NCOA1: variants seen among roughly 807,000 people sequenced by gnomAD.
NCOA1 encodes the protein Hin-2 protein.
NCOA1 carries 35 observed loss-of-function variants against 150.9 expected under a neutral mutation model. The ratio of observed to expected loss-of-function variants is 0.23; its 90% CI spans 0.18 to 0.31. The LOEUF is 0.31. Among genes scored for constraint, NCOA1 ranks in the 10% least tolerant of loss-of-function variants. The pLI, the probability that NCOA1 is intolerant of heterozygous loss-of-function variation, is 1.00. For synonymous variants in NCOA1, 590 were observed against 630.0 expected, an observed-to-expected ratio of 0.94 and a Z score of 0.95; for missense variants, 1,491 against 1,749.3, an observed-to-expected ratio of 0.85 and a Z score of 2.63.
intron 17 of NCOA1, among the ~76,000 whole-genome samples, chr2:24,734,599 A>G (rs770530879): frequency 6.6e-6 from 1 of 152,158 alleles, no homozygotes; most frequent in Non-Finnish European, 1.5e-5. Flanking sequence ...GTTTGAGACT[A>G]GCCTGGGCAA....
At chr2:24,576,274 C>G (rs1666983307) in intron 2 of NCOA1, among the ~76,000 whole-genome samples, 1 of 147,984 alleles carries the variant, frequency 6.8e-6, no homozygotes, top group Non-Finnish European at 1.5e-5. Context: ...TGTGGGAACT[C>G]CTTTGCATGT....
At chr2:24,629,807 A>AATAT (rs1558854690) in intron 3 of NCOA1, among the ~76,000 whole-genome samples, 3 of 107,380 alleles carry the variant, frequency 2.8e-5, no homozygotes, top group African/African-American at 1.2e-4. Context: ...TGTTTTAAGT[A>AATAT]ACATACATAC....
intron 2 of NCOA1, among the ~76,000 whole-genome samples, chr2:24,573,518 G>T (rs1666823355): frequency 1.3e-5 from 2 of 152,218 alleles, no homozygotes; most frequent in East Asian, 1.9e-4. Context: ...AGTAAAAATT[G>T]TAAGCCTGAA....
At chr2:24,634,858 G>C (rs968892320) in intron 3 of NCOA1, among the ~76,000 whole-genome samples, 2 of 152,032 alleles carry the variant, frequency 1.3e-5, no homozygotes, top group East Asian at 3.9e-4. Context: ...TGGGACTACA[G>C]GCACACACCA....
At chr2:24,700,882 C>G (rs1398596328) in intron 11 of NCOA1, among the ~76,000 whole-genome samples, 4 of 152,122 alleles carry the variant, frequency 2.6e-5, no homozygotes, top group African/African-American at 4.8e-5. Context: ...AACTATGAAC[C>G]TAGGTTCCAC....
intron 14 of NCOA1, among the ~76,000 whole-genome samples, chr2:24,725,620 C>T (rs1674575403): frequency 6.6e-6 from 1 of 151,822 alleles, no homozygotes; most frequent in African/African-American, 2.4e-5. Context: ...TAACAATGAT[C>T]AATTAATATA....
At chr2:24,655,365 T>G (rs1237977931) in intron 4 of NCOA1, among the ~76,000 whole-genome samples, 1 of 152,198 alleles carries the variant, frequency 6.6e-6, no homozygotes, top group Non-Finnish European at 1.5e-5. Flanking sequence ...ACAGATGATA[T>G]ATATAACATA....
chr2:24,717,827 G>T (rs868638487), intron 14 of NCOA1, among the ~76,000 whole-genome samples: 2 of 151,880 alleles, frequency 1.3e-5, no homozygotes. Context: ...TCTAAACACT[G>T]GGCAAAGGAT....
chr2:24,767,879 A>G (rs1395493289), intron 22 of NCOA1: 1 of 509,484 alleles, frequency 2.0e-6, no homozygotes, highest in Admixed American at 3.5e-5. Context: ...AATATCATGT[A>G]TTTTTTAAAA....
chr2:24,760,300 C>T (rs1333273655), intron 21 of NCOA1, among the ~76,000 whole-genome samples: 2 of 144,914 alleles, frequency 1.4e-5, no homozygotes, highest in African/African-American at 2.5e-5. Context: ...CCACCATGCC[C>T]GGCTAATTTT....
intron 3 of NCOA1, among the ~76,000 whole-genome samples, chr2:24,610,354 G>A (rs1016511927): frequency 2.6e-5 from 4 of 151,576 alleles, no homozygotes; most frequent in Admixed American, 1.3e-4. Context: ...TGTTAGCCAG[G>A]ATGGTCTTGA....
chr2:24,557,496 C>T (rs1214561991), intron 1 of NCOA1, among the ~76,000 whole-genome samples: 2 of 151,842 alleles, frequency 1.3e-5, no homozygotes, highest in African/African-American at 4.8e-5. Context: ...CCTCCCCCTC[C>T]TCCTCCTGCT....
intron 1 of NCOA1, among the ~76,000 whole-genome samples, chr2:24,515,519 T>C: frequency 6.6e-6 from 1 of 152,228 alleles, no homozygotes; most frequent in East Asian, 1.9e-4. Context: ...ATTACAGATG[T>C]GAGTCACTGT....
intron 1 of NCOA1, among the ~76,000 whole-genome samples, chr2:24,502,085 T>C (rs895945704): frequency 6.6e-6 from 1 of 152,198 alleles, no homozygotes; most frequent in Non-Finnish European, 1.5e-5. Context: ...TGGCTGCTTT[T>C]ATATATGTTA....
intron 7 of NCOA1, 34 bp from the exon 8 acceptor site, chr2:24,682,917 A>G: frequency 6.5e-7 from 1 of 1,533,488 alleles, no homozygotes. Flanking sequence ...TTATCTTTCA[A>G]CCTCCAAACC....
chr2:24,592,204 T>C (rs1347425734), intron 3 of NCOA1, among the ~76,000 whole-genome samples: 1 of 152,216 alleles, frequency 6.6e-6, no homozygotes, highest in African/African-American at 2.4e-5. Flanking sequence ...GGCAGCTTTA[T>C]ATTAAAACAA....
intron 14 of NCOA1, among the ~76,000 whole-genome samples, chr2:24,719,046 A>C (rs1674220631): frequency 1.3e-5 from 2 of 150,832 alleles, no homozygotes; most frequent in Admixed American, 6.6e-5. Context: ...AAAAAAAAAA[A>C]AAAAAAAAAC....
At chr2:24,601,141 G>T (rs1202019166) in intron 3 of NCOA1, among the ~76,000 whole-genome samples, 2 of 151,890 alleles carry the variant, frequency 1.3e-5, no homozygotes, top group Non-Finnish European at 2.9e-5. Context: ...ATTTATAAGA[G>T]TTAATGAGTC....
chr2:24,694,034 G>A (rs1010768079), intron 10 of NCOA1, among the ~76,000 whole-genome samples: 5 of 152,194 alleles, frequency 3.3e-5, no homozygotes, highest in Non-Finnish European at 5.9e-5. Context: ...GATGCAGAAC[G>A]AGTACTCCTA....
Sources: gnomAD v4.1 joint callset for allele counts (sites outside exome capture counted in the v4.1 genomes callset) on GRCh38, gnomAD v4.1.1 for gene constraint, MANE v1.5 for transcripts, NCBI Gene and HGNC (gene_info 2026-07-23, HGNC 2026-07-21) for gene names.